C7orf33: variants seen among roughly 807,000 people sequenced by gnomAD.
C7orf33 encodes chromosome 7 open reading frame 33, also known as uncharacterized protein C7orf33.
C7orf33 carries 15 observed loss-of-function variants against 13.4 expected under a neutral mutation model. That is an observed-to-expected ratio of 1.12 (90% CI 0.75 to 1.72). The LOEUF (loss-of-function observed/expected upper bound fraction) is 1.72, where lower values mean the gene tolerates loss of function less well. Ranked by LOEUF, C7orf33 falls within the 40% of genes most tolerant of loss-of-function variation. The pLI, the probability that C7orf33 is intolerant of heterozygous loss-of-function variation, is 0.00. For synonymous variants in C7orf33, 73 were observed against 83.2 expected (o/e 0.88, Z 0.67); for missense variants, 187 against 220.3 (o/e 0.85, Z 0.96).
At chr7:148,597,779 G>A (rs201082626) in intron 1 of C7orf33, among the ~76,000 whole-genome samples, 4 of 151,874 alleles carry the variant, frequency 2.6e-5, no homozygotes, top group East Asian at 1.9e-4. Context: ...GTTTTGAGAC[G>A]GAATCTCGCA....
intron 1 of C7orf33, among the ~76,000 whole-genome samples, chr7:148,595,380 T>C (rs968978054): frequency 1.5e-5 from 2 of 136,638 alleles, no homozygotes; most frequent in Non-Finnish European, 3.1e-5. Context: ...TATAGATCTC[T>C]ATTATATAGA....
At chr7:148,608,596 C>T (rs1436569674) in intron 1 of C7orf33, among the ~76,000 whole-genome samples, 2 of 151,828 alleles carry the variant, frequency 1.3e-5, no homozygotes, top group Non-Finnish European at 2.9e-5. Context: ...CAGGCAGACA[C>T]CTGAGGTCAG....
chr7:148,612,902 G>A (rs904059953), intron 1 of C7orf33, among the ~76,000 whole-genome samples: 2 of 151,476 alleles, frequency 1.3e-5, no homozygotes, highest in African/African-American at 4.9e-5. Context: ...GATACAGAAT[G>A]ATATTTCCAT....
At chr7:148,598,085 A>T (rs1174057626) in intron 1 of C7orf33, among the ~76,000 whole-genome samples, 1 of 152,122 alleles carries the variant, frequency 6.6e-6, no homozygotes, top group East Asian at 1.9e-4. Flanking sequence ...CTACTTACAT[A>T]TGTATTCTTA....
intron 1 of C7orf33, among the ~76,000 whole-genome samples, chr7:148,609,784 C>T (rs1796514354): frequency 6.6e-6 from 1 of 152,184 alleles, no homozygotes; most frequent in Admixed American, 6.5e-5. Flanking sequence ...TGATACTTGG[C>T]CGCTTAGTGG....
rs1333472664 is a variant in C7orf33 at position 148,614,211 on chromosome 7, T to G, written c.374T>G (p.Val125Gly). The change falls in exon 2 of 3, where the codon GTT becomes GGT. Residue 125 changes from valine (V) to glycine (G), a missense_variant. Physicochemically the swap from Val to Gly is moderately radical, Grantham distance 109. Transcript: ENST00000307003. The part of the protein sequence containing the change: ...GTRMGLSSDP[V>G]VGTLSSSYLD... ...AGGATGGGCTTGTCCTCAGATCCAG[T>G]TGTCGGCACCTTGTCTTCCAGTTAC... is the stretch of plus-strand genomic sequence containing the variant. 6.2e-7 allele frequency: 1 copy of G among 1,614,222 alleles called. No homozygotes were observed. Among genetic ancestry groups the G allele is most frequent in the South Asian group, 1.1e-5 (1 of 91,090 alleles).
intron 1 of C7orf33, 78 bp downstream of exon 1, chr7:148,591,207 A>G (rs1011946649): frequency 4.0e-6 from 5 of 1,246,698 alleles, no homozygotes; most frequent in South Asian, 1.2e-5. Flanking sequence ...CACTCAATCC[A>G]TGAATGTTTT....
In C7orf33 at chr7:148,615,428, T is replaced by C. The variant is rs6962292; in HGVS notation, c.*27T>C. 0.54 allele frequency: 764,011 copies of C among 1,404,288 alleles called. 210,430 individuals carry two copies. Among genetic ancestry groups the C allele is most frequent in the African/African-American group, 0.67 (47,181 of 70,782 alleles). 87.0% of individuals were successfully genotyped at this position (1,404,288 alleles called of 1,614,324 possible). A position where few individuals can be genotyped will look rare whatever the true frequency, so the allele number is the denominator to read the frequency against. ...AATTTTGCAGAATCTAAGAGTCACA[T>C]CTCTAAATTTGTGTAGATTGTGAAA... On this transcript the variant is annotated 3_prime_UTR_variant, in exon 3 of 3. Coordinates refer to ENST00000307003, the MANE Select transcript of C7orf33 (RefSeq NM_145304.4).
intron 1 of C7orf33, among the ~76,000 whole-genome samples, chr7:148,608,392 T>G (rs1310448053): frequency 6.6e-6 from 1 of 151,958 alleles, no homozygotes; most frequent in Non-Finnish European, 1.5e-5. Flanking sequence ...ATCAGGCCAC[T>G]GCACTCCAGC....
intron 1 of C7orf33, among the ~76,000 whole-genome samples, chr7:148,591,427 G>T (rs923467799): frequency 2.6e-5 from 4 of 152,200 alleles, no homozygotes; most frequent in Non-Finnish European, 4.4e-5. Flanking sequence ...CACACAGTGT[G>T]GTAGAAGGAA....
chr7:148,601,985 G>A (rs139117923), intron 1 of C7orf33, among the ~76,000 whole-genome samples: 52 of 152,104 alleles, frequency 3.4e-4, no homozygotes, highest in African/African-American at 1.3e-3. Context: ...CTGGCCTCAA[G>A]CGATCCTCCT....
At chr7:148,598,075 C>G (rs959496047) in intron 1 of C7orf33, among the ~76,000 whole-genome samples, 30 of 152,154 alleles carry the variant, frequency 2.0e-4, no homozygotes, top group African/African-American at 6.5e-4. Context: ...TTCTTATACT[C>G]TACTTACATA....
At chr7:148,606,758 T>G (rs1427027437) in intron 1 of C7orf33, among the ~76,000 whole-genome samples, 1 of 152,190 alleles carries the variant, frequency 6.6e-6, no homozygotes, top group East Asian at 1.9e-4. Context: ...AGCTAATTTT[T>G]GTATTTTTAG....
chr7:148,601,090 C>T (rs1796408488), intron 1 of C7orf33, among the ~76,000 whole-genome samples: 1 of 152,122 alleles, frequency 6.6e-6, no homozygotes, highest in Non-Finnish European at 1.5e-5. Context: ...GTGTGAGCCA[C>T]CGCGCCCGGC....
chr7:148,597,601 A>C (rs564762732), intron 1 of C7orf33, among the ~76,000 whole-genome samples: 2 of 152,216 alleles, frequency 1.3e-5, no homozygotes, highest in African/African-American at 4.8e-5. Context: ...TTTTTAGACA[A>C]AAGTCATCAA....
intron 1 of C7orf33, among the ~76,000 whole-genome samples, chr7:148,598,553 T>C (rs1365162393): frequency 6.6e-6 from 1 of 151,564 alleles, no homozygotes; most frequent in Non-Finnish European, 1.5e-5. Flanking sequence ...TTATGTTGCA[T>C]AATAAAGTTA....
intron 1 of C7orf33, among the ~76,000 whole-genome samples, chr7:148,598,982 C>T (rs371401199): frequency 1.3e-5 from 2 of 151,658 alleles, no homozygotes; most frequent in African/African-American, 4.9e-5. Context: ...CCTGCCTCAG[C>T]TTCCCAAGTA....
chr7:148,596,378 G>T (rs1379626536), intron 1 of C7orf33, among the ~76,000 whole-genome samples: 2 of 152,186 alleles, frequency 1.3e-5, no homozygotes, highest in Admixed American at 6.5e-5. Context: ...TTCTGTTACA[G>T]TCTCATTCAC....
intron 1 of C7orf33, among the ~76,000 whole-genome samples, chr7:148,604,040 C>G (rs1796445570): frequency 6.6e-6 from 1 of 151,960 alleles, no homozygotes; most frequent in Non-Finnish European, 1.5e-5. Context: ...TATATGTATC[C>G]CATGGAATAC....
Sources: gnomAD v4.1 joint callset for allele counts (sites outside exome capture counted in the v4.1 genomes callset) on GRCh38, gnomAD v4.1.1 for gene constraint, MANE v1.5 for transcripts, NCBI Gene and HGNC (gene_info 2026-07-23, HGNC 2026-07-21) for gene names.